The following SERPINB9 variants were observed in gnomAD, a reference collection of about 807,000 sequenced individuals.
SERPINB9 encodes the protein serpin family B member 9, also known as serpin B9.
In SERPINB9, 20 loss-of-function variants were observed where a neutral mutation model predicts 27.2. That is an observed-to-expected ratio of 0.74 (90% CI 0.52 to 1.07). The LOEUF (loss-of-function observed/expected upper bound fraction) is 1.07. Ranked by LOEUF, SERPINB9 falls within the 50% of genes least tolerant of loss-of-function variation. The probability of loss-of-function intolerance (pLI) is 0.00; values close to 1 mark genes in which losing one functional copy is unlikely to be tolerated. For synonymous variants in SERPINB9, 189 were observed against 180.0 expected, an observed-to-expected ratio of 1.05 and a Z score of -0.40; for missense variants, 476 against 460.1, an observed-to-expected ratio of 1.03 and a Z score of -0.32.
chr6:2,895,196 A>G (rs1767951422), intron 4 of SERPINB9, among the ~76,000 whole-genome samples, 195 bp downstream of exon 4: 1 of 152,164 alleles, frequency 6.6e-6, no homozygotes, highest in South Asian at 2.1e-4. Flanking sequence ...CTGCCAGTCA[A>G]CACTACTCTG....
At position 2,897,874 on chromosome 6, in the gene SERPINB9, T is replaced by G. The variant is rs565808004; in HGVS notation, c.169-1684A>C. Among the ~76,000 whole-genome samples, 161 of 152,242 alleles carry G rather than the reference T, an allele frequency of 1.1e-3. 1 individual carries two copies. The highest frequency in any genetic ancestry group is 3.5e-3 in the African/African-American group (147 of 41,534). On this transcript the variant is annotated intron_variant, in intron 2 of 6. Coordinates refer to ENST00000380698, the MANE Select transcript of SERPINB9 (RefSeq NM_004155.6). Reference sequence around the variant, plus strand: ...AAAAACTCTATATAATTATTTTCAGTAAAGTACAGATTATAAGTTACCAAA... The same window carrying G: ...AAAAACTCTATATAATTATTTTCAGGAAAGTACAGATTATAAGTTACCAAA...
rs1157022132 is a variant in SERPINB9 at position 2,892,136 on chromosome 6, A to AAAT, written c.568-149_568-148insATT. 66 of 718,870 alleles carry AAAT rather than the reference A, an allele frequency of 9.2e-5. 1 individual carries two copies. In the African/African-American group the frequency reaches 1.3e-3, roughly 14 times the overall value. The allele number at this position is 718,870 out of a possible 1,614,324, so 44.5% of individuals were successfully genotyped here. Reference sequence around the variant, plus strand: ...AAAAAAAAAAAAAAAAAAAAAAAAAAGTCAACCAGTTCCTTCCTATCTTCA... The same window carrying AAAT: ...AAAAAAAAAAAAAAAAAAAAAAAAAAAATGTCAACCAGTTCCTTCCTATCTTCA... On this transcript the variant is annotated intron_variant, in intron 5 of 6. Transcript: ENST00000380698.
rs375600576 is a variant in SERPINB9, at chr6:2,890,312, C to G, written c.982G>C (p.Glu328Gln). The G allele has an allele frequency of 3.7e-6, 6 of 1,614,082 alleles. No individual in the cohort carries two copies. Among genetic ancestry groups the G allele is most frequent in the Non-Finnish European group, 5.1e-6 (6 of 1,180,034 alleles). Reference protein sequence around the residue: ...SFVEVNEEGTEAAAASSCFVV... With the variant: ...SFVEVNEEGTQAAAASSCFVV... Reference sequence around the variant, plus strand: ...AAGCAGCTCGACGCTGCCGCTGCCTCGGTGCCTTCTTCATTCACCTCCACA... The same window carrying G: ...AAGCAGCTCGACGCTGCCGCTGCCTGGGTGCCTTCTTCATTCACCTCCACA... Residue 328 changes from glutamate to glutamine, a missense_variant, in exon 7 of 7, where the codon GAG becomes CAG. Glu to Gln is a conservative substitution (Grantham distance 29, BLOSUM62 2). Transcript: ENST00000380698. This position sits in a 1 kb window ranked among gnomAD's most constrained non-coding sequence, Gnocchi z 6.2.
chr6:2,900,885 T>TCTCTCTCTCTCTCTCACACACACA (rs61100591), intron 1 of SERPINB9, among the ~76,000 whole-genome samples: 3 of 141,482 alleles, frequency 2.1e-5, no homozygotes, highest in African/African-American at 8.4e-5. Flanking sequence ...GCTCGCTCTC[T>TCTCTCTCTCTCTCTCACACACACA]CACACACACA....
In SERPINB9 at chr6:2,888,598, C is replaced by A. The variant is rs558944012; in HGVS notation, c.*1565G>T. ...CAGACACAAAAGGTCTCATACAATT[C>A]AATTTATATAAAATAGCAAGAATAG... On this transcript the variant is annotated 3_prime_UTR_variant, in exon 7 of 7. Coordinates refer to ENST00000380698, the MANE Select transcript of SERPINB9 (RefSeq NM_004155.6). The A allele has an allele frequency of 6.6e-6, 1 of 152,022 alleles. No individual in the cohort carries two copies. Among genetic ancestry groups the A allele is most frequent in the Non-Finnish European group, 1.5e-5 (1 of 68,014 alleles). The allele number at this position is 152,022 out of a possible 1,614,324, so 9.4% of individuals were successfully genotyped here.
In SERPINB9 at chr6:2,894,650, C is replaced by T. The variant is rs753761451; in HGVS notation, c.424+741G>A. Among the ~76,000 whole-genome samples, 5 of 152,196 alleles carry T rather than the reference C, an allele frequency of 3.3e-5. No individual in the cohort carries two copies. Among genetic ancestry groups the T allele is most frequent in the Non-Finnish European group, 5.9e-5 (4 of 68,028 alleles). On this transcript the variant is annotated intron_variant, in intron 4 of 6. Coordinates refer to ENST00000380698, the MANE Select transcript of SERPINB9 (RefSeq NM_004155.6). The surrounding 1 kb of genome is among the most constrained non-coding windows in gnomAD (Gnocchi z 4.7). ...AAGATCTGTCCACCAATCTCCTTCT[C>T]GCAGAGACAATGGAGTCACCTGACA...
rs767330854 is a variant in SERPINB9 at position 2,890,148 on chromosome 6, C to T, written c.*15G>A. ...AGGAAGAGGGAAATGGCCGAGTGCA[C>T]GGTAAGTGCACCCTTTATGGCGATG... On this transcript the variant is annotated 3_prime_UTR_variant, in exon 7 of 7. Transcript: ENST00000380698. The surrounding 1 kb of genome is among the most constrained non-coding windows in gnomAD (Gnocchi z 6.2). 96 of 1,599,992 alleles carry T rather than the reference C, an allele frequency of 6.0e-5. No individual in the cohort carries two copies. Among genetic ancestry groups the T allele is most frequent in the East Asian group, 9.0e-5 (4 of 44,588 alleles).
At chr6:2,897,737 C>T (rs1470357018) in intron 2 of SERPINB9, among the ~76,000 whole-genome samples, 1 of 151,994 alleles carries the variant, frequency 6.6e-6, no homozygotes, top group African/African-American at 2.4e-5. Context: ...AAAGAAAACA[C>T]ACATACATAC....
rs185724500 is a variant in SERPINB9, at chr6:2,890,914, C to A, written c.724-344G>T. On this transcript the variant is annotated intron_variant, in intron 6 of 6. Transcript: ENST00000380698. The surrounding 1 kb of genome is among the most constrained non-coding windows in gnomAD (Gnocchi z 6.2). ...CATAGTCTTTTTAAAGACAACAAAC[C>A]ATTGCTAGTAAAGAAAAGGATTGGA... is the stretch of plus-strand genomic sequence containing the variant. Among the ~76,000 whole-genome samples, 2 of 152,150 alleles carry A rather than the reference C, an allele frequency of 1.3e-5. No individual in the cohort carries two copies. The highest frequency in any genetic ancestry group is 4.8e-5 in the African/African-American group (2 of 41,476).
intron 1 of SERPINB9, among the ~76,000 whole-genome samples, chr6:2,900,883 T>TCACACACACACACACA (rs1043594260): frequency 1.1e-4 from 3 of 26,546 alleles, no homozygotes; most frequent in African/African-American, 4.3e-4. Flanking sequence ...GAGCTCGCTC[T>TCACACACACACACACA]CTCACACACA....
chr6:2,900,622 C>T lies in SERPINB9; in HGVS notation c.-10-1G>A, dbSNP rs749807637. The T allele has an allele frequency of 6.2e-7, 1 of 1,613,258 alleles. No individual in the cohort carries two copies. The highest frequency in any genetic ancestry group is 8.5e-7 in the Non-Finnish European group (1 of 1,179,426). On this transcript the variant is annotated splice_acceptor_variant, in intron 1 of 6. Transcript: ENST00000380698. LOFTEE classifies it low-confidence loss of function (5UTR_SPLICE). Reference sequence around the variant, plus strand: ...AGAAAGAGTTTCCATGATGCAGGGCCTGGAAGGGAAGAATAAAGAGAAATG... The same window carrying T: ...AGAAAGAGTTTCCATGATGCAGGGCTTGGAAGGGAAGAATAAAGAGAAATG...
At chr6:2,895,607 A>G (rs897075874) in intron 3 of SERPINB9, 99 bp from the exon 4 acceptor site, 5 of 751,122 alleles carry the variant, frequency 6.7e-6, no homozygotes, top group African/African-American at 5.4e-5. Context: ...TAATAAAAAG[A>G]ATATACATAA....
intron 5 of SERPINB9, among the ~76,000 whole-genome samples, chr6:2,893,099 T>C (rs1767865859): frequency 8.2e-6 from 1 of 122,292 alleles, no homozygotes; most frequent in Non-Finnish European, 1.7e-5. Flanking sequence ...ATTGGGCTTA[T>C]AGGAAGATCT....
chr6:2,896,080 A>G lies in SERPINB9; in HGVS notation c.279T>C (p.Phe93=). 6.2e-7 allele frequency: 1 copy of G among 1,613,766 alleles called. No homozygotes were observed. Among genetic ancestry groups the G allele is most frequent in the Non-Finnish European group, 8.5e-7 (1 of 1,179,962 alleles). ...QYLLRTANRL[F]GEKTCQFLST... is the part of the protein sequence containing the mutation. ...AGAGGAACTGACAAGTTTTCTCTCC[A>G]AAGAGCCTGTTGGCCGTTCTCAGCA... Residue 93 remains phenylalanine (F), a synonymous_variant, in exon 3 of 7, where the codon TTT becomes TTC. Transcript: ENST00000380698.
In SERPINB9 at chr6:2,894,021, C is replaced by G. The variant is rs938175150; in HGVS notation, c.425-468G>C. On this transcript the variant is annotated intron_variant, in intron 4 of 6. Coordinates refer to ENST00000380698, the MANE Select transcript of SERPINB9 (RefSeq NM_004155.6). The surrounding 1 kb of genome is among the most constrained non-coding windows in gnomAD (Gnocchi z 4.7). ...TGGGCACATGGGGAGTTTCCAGAAGCTTTTGGAGGAGATATTCCTGCTGAA... is the reference window on the plus strand; with the variant it reads ...TGGGCACATGGGGAGTTTCCAGAAGGTTTTGGAGGAGATATTCCTGCTGAA... Among the ~76,000 whole-genome samples, 1 of 152,092 alleles carries G rather than the reference C, an allele frequency of 6.6e-6. No individual in the cohort carries two copies. The highest frequency in any genetic ancestry group is 2.4e-5 in the African/African-American group (1 of 41,400).
In SERPINB9 at chr6:2,887,478, C is replaced by T. The variant is rs1767637281; in HGVS notation, c.*2685G>A. 1 of 152,136 alleles carries T rather than the reference C, an allele frequency of 6.6e-6. No homozygotes were observed. Among genetic ancestry groups the T allele is most frequent in the Admixed American group, 6.6e-5 (1 of 15,266 alleles). The allele number at this position is 152,136 out of a possible 1,614,324, so 9.4% of individuals were successfully genotyped here. A position where few individuals can be genotyped will look rare whatever the true frequency, so the allele number is the denominator to read the frequency against. On this transcript the variant is annotated 3_prime_UTR_variant, in exon 7 of 7. Coordinates refer to ENST00000380698, the MANE Select transcript of SERPINB9 (RefSeq NM_004155.6). The stretch of plus-strand genomic sequence containing the variant: ...CCAATAAATGCATAGAACACTTTCA[C>T]CACTAATAAAAGAAATGCAATAAGT...
Position 2,890,681 on chromosome 6 carries a change from T to C in SERPINB9, c.724-111A>G, listed in dbSNP as rs891582547. The stretch of plus-strand genomic sequence containing the variant: ...TGCACGTAGGTGTTGTTTGTTCACA[T>C]AGGATCAGTGGCCCCTTCATCTGCC... On this transcript the variant is annotated intron_variant, in intron 6 of 6. Transcript: ENST00000380698. This position sits in a 1 kb window ranked among gnomAD's most constrained non-coding sequence, Gnocchi z 6.2. 1 of 1,037,444 alleles carries C rather than the reference T, an allele frequency of 9.6e-7. No homozygotes were observed. The highest frequency in any genetic ancestry group is 1.6e-5 in the African/African-American group (1 of 62,510). The allele number at this position is 1,037,444 out of a possible 1,614,324, so 64.3% of individuals were successfully genotyped here.
intron 2 of SERPINB9, among the ~76,000 whole-genome samples, chr6:2,898,140 C>CA (rs200979124): frequency 8.8e-4 from 124 of 140,246 alleles, no homozygotes; most frequent in Middle Eastern, 3.6e-3. Flanking sequence ...AATGAATGAA[C>CA]AAAAAAAAAA....
chr6:2,899,738 G>C (rs1768129908), intron 2 of SERPINB9: 1 of 286,210 alleles, frequency 3.5e-6, no homozygotes, highest in African/African-American at 2.2e-5. Context: ...ATTCACTATT[G>C]AAAAGCGTCA....
Sources: gnomAD v4.1 joint callset for allele counts (sites outside exome capture counted in the v4.1 genomes callset) on GRCh38, gnomAD v4.1.1 for gene constraint, Gnocchi (gnomAD v3.1) non-coding constraint, MANE v1.5 for transcripts, NCBI Gene and HGNC (gene_info 2026-07-23, HGNC 2026-07-21) for gene names.